The following ARHGAP21 variants were observed in gnomAD, a reference collection of about 807,000 sequenced individuals.
ARHGAP21 encodes Rho GTPase activating protein 21, also known as rho GTPase-activating protein 21.
Under a neutral mutation model 164.6 loss-of-function variants are expected in ARHGAP21, and 38 were observed. That is an observed-to-expected ratio of 0.23 (90% confidence interval 0.18 to 0.30). The LOEUF is 0.30. Among genes scored for constraint, ARHGAP21 ranks in the 10% least tolerant of loss-of-function variants. The pLI is 1.00. For missense variants in ARHGAP21, 1,822 were observed against 2,370.7 expected (o/e 0.77, Z 4.81); for synonymous variants, 766 against 857.9 (o/e 0.89, Z 1.87).
At chr10:24,643,899 G>A (rs1390302393) in intron 4 of ARHGAP21, among the ~76,000 whole-genome samples, 2 of 151,976 alleles carry the variant, frequency 1.3e-5, no homozygotes, top group Non-Finnish European at 2.9e-5. Context: ...TTTTTATAGA[G>A]ACAAGGTCTT....
intron 2 of ARHGAP21, among the ~76,000 whole-genome samples, chr10:24,692,473 A>T (rs1175520677): frequency 6.6e-6 from 1 of 152,252 alleles, no homozygotes; most frequent in Non-Finnish European, 1.5e-5. Flanking sequence ...CTTCTTATAA[A>T]CCAGCTCTAT....
At chr10:24,590,729 A>G (rs1268505317) in intron 24 of ARHGAP21, 1 of 985,236 alleles carries the variant, frequency 1.0e-6, no homozygotes, top group Non-Finnish European at 1.2e-6. Context: ...TGTGACAAAT[A>G]ATACACTGTA....
chr10:24,717,244 G>A lies in ARHGAP21; in HGVS notation c.63+4593C>T, dbSNP rs1433451820. On this transcript the variant is annotated intron_variant, in intron 2 of 25. Transcript: ENST00000396432. ...ACGAGGAAGGAAGATAATCAAGAGA[G>A]TATAATGTCCGGGAATCTAAATGAA... 3.3e-5 allele frequency among the ~76,000 whole-genome samples: 5 copies of A among 152,306 alleles called. No homozygotes were observed. The East Asian group carries it at 7.7e-4, about 23-fold the overall frequency.
intron 4 of ARHGAP21, among the ~76,000 whole-genome samples, chr10:24,658,968 A>G (rs1839388533): frequency 6.6e-6 from 1 of 152,210 alleles, no homozygotes; most frequent in Admixed American, 6.5e-5. Flanking sequence ...AGGAAATACA[A>G]GTGAAAACCA....
At chr10:24,712,894 T>C (rs1276633371) in intron 2 of ARHGAP21, among the ~76,000 whole-genome samples, 1 of 152,134 alleles carries the variant, frequency 6.6e-6, no homozygotes, top group Non-Finnish European at 1.5e-5. Context: ...TAAGTCTCAC[T>C]GATCTGCCTT....
At chr10:24,654,156 C>T (rs1323375818) in intron 4 of ARHGAP21, among the ~76,000 whole-genome samples, 1 of 152,076 alleles carries the variant, frequency 6.6e-6, no homozygotes, top group African/African-American at 2.4e-5. Context: ...TATGACAAAC[C>T]CACAGCCAAT....
Position 24,602,048 on chromosome 10 carries a change from G to A in ARHGAP21, c.2777C>T (p.Ser926Leu). ...CTTGGCAGCATCACTGAAGACCTCT[G>A]AGGAAGAATCTTTTCTGGACCCAGA... ...EDSGSRKDSSSEVFSDAAKEG... is the reference protein window; with the variant it reads ...EDSGSRKDSSLEVFSDAAKEG... The change falls in exon 13 of 26, where the codon TCA becomes TTA. Residue 926 changes from serine to leucine, a missense_variant. Physicochemically the swap from Ser to Leu is moderately radical, Grantham distance 145. This residue lies in a region of ARHGAP21 where 1,090 missense variants were observed against 1,378.9 expected (regional missense o/e 0.79). Transcript: ENST00000396432. The A allele has an allele frequency of 3.1e-6, 5 of 1,613,056 alleles. No individual in the cohort carries two copies. Among genetic ancestry groups the A allele is most frequent in the Non-Finnish European group, 4.2e-6 (5 of 1,179,932 alleles).
At chr10:24,675,956 T>C (rs1456026687) in intron 2 of ARHGAP21, among the ~76,000 whole-genome samples, 1 of 152,130 alleles carries the variant, frequency 6.6e-6, no homozygotes, top group Non-Finnish European at 1.5e-5. Context: ...GAGACTAGCC[T>C]GGCCAACATG....
At chr10:24,588,557 A>T (rs2076202065) in intron 25 of ARHGAP21, among the ~76,000 whole-genome samples, 1 of 152,234 alleles carries the variant, frequency 6.6e-6, no homozygotes, top group Non-Finnish European at 1.5e-5. Context: ...ATATTTAAAC[A>T]TGATATGTAA....
chr10:24,592,145 T>A, intron 21 of ARHGAP21, 133 bp from the exon 22 acceptor site: 1 of 782,890 alleles, frequency 1.3e-6, no homozygotes, highest in Non-Finnish European at 1.8e-6. Context: ...AAAATAATGC[T>A]TTCTAGCAAG....
At chr10:24,589,571 T>C (rs541494358) in intron 24 of ARHGAP21, 1 of 390,726 alleles carries the variant, frequency 2.6e-6, no homozygotes, top group Non-Finnish European at 4.5e-6. Flanking sequence ...ACAGAAACAC[T>C]CGTGTTTATT....
At chr10:24,636,566 A>G (rs1471923320) in intron 4 of ARHGAP21, among the ~76,000 whole-genome samples, 1 of 152,266 alleles carries the variant, frequency 6.6e-6, no homozygotes, top group African/African-American at 2.4e-5. Flanking sequence ...ATTGAGTGTC[A>G]AATACAAAGA....
Position 24,586,100 on chromosome 10 carries a change from A to G in ARHGAP21, c.4189T>C (p.Trp1397Arg), listed in dbSNP as rs1190269003. 3 of 1,579,776 alleles carry G rather than the reference A, an allele frequency of 1.9e-6. No individual in the cohort carries two copies. In the African/African-American group the frequency reaches 4.1e-5, roughly 22 times the overall value. ...CTATACTGATCCTTTCCAGATCCCC[A>G]AGAACCCTGGGAAGCAAGAGAGAAG... ...TSDSTKSKGS[W>R]GSGKDQYSRE... Residue 1397 changes from tryptophan to arginine, a missense_variant, in exon 26 of 26, where the codon TGG becomes CGG. This residue lies in a region of ARHGAP21 where 333 missense variants were observed against 383.9 expected (regional missense o/e 0.87). Coordinates refer to ENST00000396432, the MANE Select transcript of ARHGAP21 (RefSeq NM_020824.4).
rs577032142 is a variant in ARHGAP21 at position 24,625,403 on chromosome 10, T to C, written c.496-2641A>G. Among the ~76,000 whole-genome samples the C allele has an allele frequency of 5.3e-5, 8 of 152,108 alleles. No individual in the cohort carries two copies. The South Asian group carries it at 1.7e-3, about 32-fold the overall frequency. Reference sequence around the variant, plus strand: ...TAACAGGTTATTAATTTAATGCCTTTACCTATGATAAAAGCAAGAGTAACT... The same window carrying C: ...TAACAGGTTATTAATTTAATGCCTTCACCTATGATAAAAGCAAGAGTAACT... On this transcript the variant is annotated intron_variant, in intron 7 of 25. Transcript: ENST00000396432.
chr10:24,588,396 GATTTGGGTGCT>G (rs1381549899), intron 25 of ARHGAP21, among the ~76,000 whole-genome samples: 1 of 151,424 alleles, frequency 6.6e-6, no homozygotes, highest in East Asian at 1.9e-4. Flanking sequence ...TAGGGTAAAG[GATTTGGGTGCT>G]ATTATTTTAG....
intron 24 of ARHGAP21, chr10:24,590,604 GTT>G (rs2076286310): frequency 2.8e-6 from 4 of 1,405,390 alleles, no homozygotes; most frequent in Admixed American, 2.9e-5. Flanking sequence ...TAGTGCAACA[GTT>G]TGGCAGGAGA....
At chr10:24,598,759 T>G (rs547581015) in intron 14 of ARHGAP21, among the ~76,000 whole-genome samples, 1 of 152,212 alleles carries the variant, frequency 6.6e-6, no homozygotes, top group African/African-American at 2.4e-5. Flanking sequence ...AATACGGGAG[T>G]AAGTTATCTT....
At chr10:24,599,391 A>G (rs148028576) in intron 14 of ARHGAP21, among the ~76,000 whole-genome samples, 14 of 152,348 alleles carry the variant, frequency 9.2e-5, no homozygotes, top group African/African-American at 2.9e-4. Context: ...TAGTTGTACA[A>G]CATAGGTTGC....
Position 24,596,804 on chromosome 10 carries a change from T to C in ARHGAP21, c.3413A>G (p.Lys1138Arg), listed in dbSNP as rs145685873. ...PSIMRKTFEK[K>R]PTATGTFGVR... ...GCCGAAAGTTCCTGTAGCAGTTGGC[T>C]TTTTCTCAAATGTCTTTCTCATGAT... Residue 1138 changes from lysine to arginine, a missense_variant, in exon 17 of 26, where the codon AAG becomes AGG. Physicochemically the swap from Lys to Arg is conservative, Grantham distance 26 (BLOSUM62 2). This residue lies in a region of ARHGAP21 where 1,090 missense variants were observed against 1,378.9 expected (regional missense o/e 0.79). Transcript: ENST00000396432. 1.1e-4 allele frequency: 173 copies of C among 1,613,134 alleles called. No homozygotes were observed. Among genetic ancestry groups the C allele is most frequent in the Non-Finnish European group, 1.4e-4 (170 of 1,179,750 alleles).
Sources: gnomAD v4.1 joint callset for allele counts (sites outside exome capture counted in the v4.1 genomes callset) on GRCh38, gnomAD v4.1.1 for gene constraint, gnomAD v4.1.1 regional missense constraint, MANE v1.5 for transcripts, NCBI Gene and HGNC (gene_info 2026-07-23, HGNC 2026-07-21) for gene names.